COL26A1: variants seen among roughly 807,000 people sequenced by gnomAD.
COL26A1 encodes collagen alpha-1(XXVI) chain.
A neutral mutation model predicts 59.3 loss-of-function variants in COL26A1; 41 were observed. That is an observed-to-expected ratio of 0.69 (90% CI 0.54 to 0.90). The LOEUF is 0.90. Among genes scored for constraint, COL26A1 ranks in the 40% least tolerant of loss-of-function variants. The pLI, the probability that COL26A1 is intolerant of heterozygous loss-of-function variation, is 0.00. For synonymous variants in COL26A1, 266 were observed against 256.0 expected (o/e 1.04, Z -0.37); for missense variants, 612 against 602.3 (o/e 1.02, Z -0.17).
At chr7:101,373,492 C>T (rs1056435478) in intron 1 of COL26A1, among the ~76,000 whole-genome samples, 2 of 150,842 alleles carry the variant, frequency 1.3e-5, no homozygotes, top group African/African-American at 4.9e-5. Context: ...GGATCAGGTG[C>T]TCAAGGAAAG....
chr7:101,528,613 A>G (rs1055477872), intron 3 of COL26A1, among the ~76,000 whole-genome samples: 3 of 151,926 alleles, frequency 2.0e-5, no homozygotes, highest in Non-Finnish European at 4.4e-5. Flanking sequence ...AGTGGCGCCA[A>G]CATGGCTCAC....
chr7:101,450,698 T>G (rs1443639115), intron 3 of COL26A1, among the ~76,000 whole-genome samples: 1 of 148,346 alleles, frequency 6.7e-6, no homozygotes, highest in Non-Finnish European at 1.5e-5. Context: ...ATAATATATA[T>G]TCTATATTCA....
intron 3 of COL26A1, among the ~76,000 whole-genome samples, chr7:101,471,942 A>G (rs949529373): frequency 6.7e-6 from 1 of 148,312 alleles, no homozygotes; most frequent in African/African-American, 2.6e-5. Context: ...GGCAATTAGT[A>G]TTGCTATTCT....
intron 3 of COL26A1, among the ~76,000 whole-genome samples, chr7:101,481,420 T>C (rs544692557): frequency 6.9e-6 from 1 of 143,968 alleles, no homozygotes; most frequent in East Asian, 2.0e-4. Flanking sequence ...ATTATATATA[T>C]ATATATAATT....
At chr7:101,556,554 G>C (rs1482048530) in intron 12 of COL26A1, among the ~76,000 whole-genome samples, 1 of 152,120 alleles carries the variant, frequency 6.6e-6, no homozygotes, top group Admixed American at 6.5e-5. Context: ...TGGATGGGTA[G>C]ATGCATGGAT....
chr7:101,547,061 G>T (rs145033430), intron 7 of COL26A1, 95 bp from the exon 8 acceptor site: 2 of 825,056 alleles, frequency 2.4e-6, no homozygotes, highest in South Asian at 1.8e-5. Flanking sequence ...CCTGGGCTTC[G>T]TGTGGCCTGG....
At chr7:101,396,169 AG>A (rs1272065923) in intron 1 of COL26A1, among the ~76,000 whole-genome samples, 2 of 151,822 alleles carry the variant, frequency 1.3e-5, no homozygotes, top group South Asian at 2.1e-4. Context: ...GGGGAGGGTG[AG>A]GGGGGGATAA....
At chr7:101,362,676 G>A (rs1401796632), upstream of COL26A1, 14 of 357,308 alleles carry the variant, frequency 3.9e-5, no homozygotes, top group Non-Finnish European at 6.1e-5. Context: ...GGTGTGTAGC[G>A]GGGGCCTGGG....
chr7:101,508,025 C>T (rs1304803558), intron 3 of COL26A1, among the ~76,000 whole-genome samples: 1 of 152,178 alleles, frequency 6.6e-6, no homozygotes, highest in East Asian at 1.9e-4. Context: ...TGTGCAAACA[C>T]AGCATCCTGA....
At chr7:101,434,636 G>A (rs1456394928) in intron 2 of COL26A1, among the ~76,000 whole-genome samples, 1 of 151,884 alleles carries the variant, frequency 6.6e-6, no homozygotes, top group Non-Finnish European at 1.5e-5. Context: ...AGAGAAGGCG[G>A]CACTCAAAAC....
intron 1 of COL26A1, among the ~76,000 whole-genome samples, chr7:101,401,684 G>A (rs1792005736): frequency 7.7e-6 from 1 of 129,890 alleles, no homozygotes. Context: ...AGATGTTGGA[G>A]GCTGAGGAGG....
chr7:101,554,030 C>A (rs998849733), intron 11 of COL26A1, among the ~76,000 whole-genome samples: 1 of 151,258 alleles, frequency 6.6e-6, no homozygotes, highest in Admixed American at 6.6e-5. Flanking sequence ...AATTCCTCCC[C>A]TCAGCTGGCC....
intron 1 of COL26A1, among the ~76,000 whole-genome samples, chr7:101,402,305 C>A (rs955559833): frequency 1.3e-4 from 20 of 152,126 alleles, no homozygotes; most frequent in Non-Finnish European, 2.5e-4. Context: ...TTTTCCCCCC[C>A]AAGTGAACAC....
chr7:101,389,651 G>A (rs1262425655), intron 1 of COL26A1, among the ~76,000 whole-genome samples: 1 of 152,004 alleles, frequency 6.6e-6, no homozygotes, highest in African/African-American at 2.4e-5. Flanking sequence ...TGCTACCCGG[G>A]TTCAAGAAAT....
chr7:101,474,966 G>A (rs1793998106), intron 3 of COL26A1, among the ~76,000 whole-genome samples: 1 of 152,222 alleles, frequency 6.6e-6, no homozygotes, highest in Non-Finnish European at 1.5e-5. Context: ...GCCAAGGCGG[G>A]TGGATCCCTT....
At chr7:101,450,971 A>G (rs1348078387) in intron 3 of COL26A1, among the ~76,000 whole-genome samples, 2 of 145,508 alleles carry the variant, frequency 1.4e-5, no homozygotes, top group Non-Finnish European at 3.0e-5. Context: ...AATAAATATT[A>G]TCAAATAAAT....
chr7:101,539,514 A>ATCTCAC (rs1227660819), intron 4 of COL26A1, among the ~76,000 whole-genome samples: 1 of 151,660 alleles, frequency 6.6e-6, no homozygotes, highest in Admixed American at 6.6e-5. Flanking sequence ...TTTTGTAGAG[A>ATCTCAC]TGGGGGTCTC....
At chr7:101,543,410 T>A (rs985936160) in intron 5 of COL26A1, among the ~76,000 whole-genome samples, 2 of 152,214 alleles carry the variant, frequency 1.3e-5, no homozygotes, top group South Asian at 4.1e-4. Flanking sequence ...GCTCAAGTGA[T>A]CTTCCTGCCT....
chr7:101,446,084 G>C (rs1220594301), intron 2 of COL26A1, among the ~76,000 whole-genome samples: 1 of 135,014 alleles, frequency 7.4e-6, no homozygotes, highest in Non-Finnish European at 1.7e-5. Context: ...AGTGATGGGG[G>C]AGGCGCCACA....
Sources: allele counts gnomAD v4.1 joint callset (sites outside exome capture counted in the v4.1 genomes callset), GRCh38; gene constraint gnomAD v4.1.1; transcripts MANE v1.5; gene names NCBI Gene and HGNC (gene_info 2026-07-23, HGNC 2026-07-21).